The following FETUB variants were observed in gnomAD, a reference collection of about 807,000 sequenced individuals.
The protein encoded by FETUB is fetuin B, also known as fetuin-B.
Under a neutral mutation model 30.9 loss-of-function variants are expected in FETUB, and 28 were observed. That is an observed-to-expected ratio of 0.90 (90% CI 0.67 to 1.24). The LOEUF (loss-of-function observed/expected upper bound fraction) is 1.24. Ranked by LOEUF, FETUB falls within the 50% of genes most tolerant of loss-of-function variation. FETUB has a pLI of 0.00. For synonymous variants in FETUB, 186 were observed against 175.9 expected (o/e 1.06, Z -0.45); for missense variants, 469 against 455.3 (o/e 1.03, Z -0.27).
chr3:186,648,112 T>C (rs1167813146), intron 5 of FETUB, among the ~76,000 whole-genome samples: 2 of 152,114 alleles, frequency 1.3e-5, no homozygotes, highest in Non-Finnish European at 2.9e-5. Flanking sequence ...AAATTGAAAG[T>C]AAAGAAATAA....
Position 186,652,646 on chromosome 3 carries a change from C to G in FETUB, c.*15C>G, listed in dbSNP as rs1197185509. The G allele has an allele frequency of 3.1e-6, 5 of 1,589,282 alleles. No individual in the cohort carries two copies. In the South Asian group the frequency reaches 5.7e-5, roughly 18 times the overall value. On this transcript the variant is annotated 3_prime_UTR_variant, in exon 7 of 7. Transcript: ENST00000265029. Reference sequence around the variant, plus strand: ...TTCCGCCATGAGAATCACACAGAGTCTTCTGTAGGGGTATGGTGCGCCGCA... The same window carrying G: ...TTCCGCCATGAGAATCACACAGAGTGTTCTGTAGGGGTATGGTGCGCCGCA...
intron 3 of FETUB, among the ~76,000 whole-genome samples, chr3:186,643,947 T>C (rs1257213186): frequency 6.6e-6 from 1 of 152,254 alleles, no homozygotes; most frequent in Non-Finnish European, 1.5e-5. Context: ...CATTTTGTTT[T>C]CTGGCTCACT....
chr3:186,643,249 A>G (rs957528399), intron 3 of FETUB, among the ~76,000 whole-genome samples: 10 of 152,164 alleles, frequency 6.6e-5, no homozygotes, highest in African/African-American at 2.2e-4. Context: ...GAAGGTGTCA[A>G]TAATGTTGTT....
chr3:186,647,393 G>A (rs1364216964), intron 5 of FETUB, among the ~76,000 whole-genome samples: 1 of 152,112 alleles, frequency 6.6e-6, no homozygotes, highest in Non-Finnish European at 1.5e-5. Flanking sequence ...AATGCTCCAT[G>A]TTTAACCCTT....
chr3:186,642,243 T>A, intron 2 of FETUB: 2 of 497,246 alleles, frequency 4.0e-6, no homozygotes, highest in Non-Finnish European at 7.1e-6. Flanking sequence ...AGAACTCAAT[T>A]ATACACAGTC....
intron 5 of FETUB, chr3:186,647,270 G>T (rs1239622091): frequency 6.6e-6 from 1 of 151,970 alleles, no homozygotes; most frequent in East Asian, 1.9e-4. Context: ...ATAAACATTT[G>T]AGTTGTTTCC....
In FETUB at chr3:186,652,538, G is replaced by A; in HGVS notation, c.1056G>A (p.Lys352=). 1 of 1,614,166 alleles carries A rather than the reference G, an allele frequency of 6.2e-7. No individual in the cohort carries two copies. Among genetic ancestry groups the A allele is most frequent in the Non-Finnish European group, 8.5e-7 (1 of 1,180,012 alleles). Reference sequence around the variant, plus strand: ...TCTTCCTGGAGCCTATGGAGGAGAAGCTGGTGGTCCTGCCTTTCCCCAAAG... The same window carrying A: ...TCTTCCTGGAGCCTATGGAGGAGAAACTGGTGGTCCTGCCTTTCCCCAAAG... The part of the protein sequence containing the change: ...SFLFLEPMEE[K]LVVLPFPKEK... The change falls in exon 7 of 7, where the codon AAG becomes AAA. Residue 352 remains lysine (K), a synonymous_variant. Transcript: ENST00000265029.
chr3:186,649,396 C>T (rs930813627), intron 5 of FETUB, among the ~76,000 whole-genome samples: 11 of 152,042 alleles, frequency 7.2e-5, no homozygotes, highest in African/African-American at 2.4e-4. Context: ...TATTGCATAG[C>T]GGTGAAGTCT....
chr3:186,641,686 G>T (rs1481235751), intron 2 of FETUB: 2 of 152,452 alleles, frequency 1.3e-5, no homozygotes, highest in Non-Finnish European at 2.9e-5. Flanking sequence ...TCATAGAAGA[G>T]ACTTGAAAAT....
intron 6 of FETUB, chr3:186,651,850 C>T (rs528858882): frequency 5.0e-4 from 85 of 169,520 alleles, no homozygotes; most frequent in African/African-American, 1.3e-3. Flanking sequence ...AATGGGATTG[C>T]GACACTGCAT....
chr3:186,641,865 G>A (rs1485403183), intron 2 of FETUB: 1 of 152,346 alleles, frequency 6.6e-6, no homozygotes. Flanking sequence ...TACCCAACTT[G>A]ATTTTGAAAA....
intron 2 of FETUB, chr3:186,642,247 C>T (rs1560020850): frequency 2.0e-6 from 1 of 503,624 alleles, no homozygotes; most frequent in African/African-American, 2.0e-5. Flanking sequence ...CTCAATTATA[C>T]ACAGTCACAC....
chr3:186,650,733 G>A (rs985706082), intron 5 of FETUB, among the ~76,000 whole-genome samples: 3 of 152,034 alleles, frequency 2.0e-5, no homozygotes, highest in Non-Finnish European at 4.4e-5. Flanking sequence ...ATTTTCTTTT[G>A]TTTATCTATA....
chr3:186,645,870 G>C (rs1273410868), intron 4 of FETUB, among the ~76,000 whole-genome samples: 1 of 151,874 alleles, frequency 6.6e-6, no homozygotes, highest in Non-Finnish European at 1.5e-5. Context: ...GGGATTACAG[G>C]CATGCGCCAC....
chr3:186,636,829 C>T (rs148946935), upstream of FETUB, among the ~76,000 whole-genome samples: 2 of 152,308 alleles, frequency 1.3e-5, no homozygotes, highest in Non-Finnish European at 2.9e-5. Flanking sequence ...CTGTTAAATA[C>T]GCTCCCTGCC....
chr3:186,651,282 G>C lies in FETUB; in HGVS notation c.761G>C (p.Cys254Ser), dbSNP rs771961392. 6.2e-7 allele frequency: 1 copy of C among 1,612,294 alleles called. No individual in the cohort carries two copies. Among genetic ancestry groups the C allele is most frequent in the South Asian group, 1.1e-5 (1 of 90,970 alleles). ...THWEKFVSVT[C>S]DFFESQAPAT... ...TGGGAAAAGTTTGTCTCTGTGACTT[G>C]TGACTTCTTTGAATCACAGGTATTT... The change falls in exon 6 of 7, where the codon TGT (cysteine) becomes TCT (serine). Residue 254 changes from cysteine to serine, a missense_variant. By Grantham distance (112) the Cys-to-Ser change is moderately radical (BLOSUM62 -1). Transcript: ENST00000265029.
rs1478597457 is a variant in FETUB at position 186,640,467 on chromosome 3, CT to C, written c.8del (p.Leu3ArgfsTer10). The C allele has an allele frequency of 6.2e-7, 1 of 1,613,862 alleles. No homozygotes were observed. The highest frequency in any genetic ancestry group is 8.5e-7 in the Non-Finnish European group (1 of 1,179,860). On this transcript the variant is annotated frameshift_variant, in exon 1 of 7. Coordinates refer to ENST00000265029, the MANE Select transcript of FETUB (RefSeq NM_014375.3). LOFTEE classifies it high-confidence loss of function. Reference protein sequence around the residue: MGLLLPLALCILV... With the variant: MGXLLPLALCILV... Reference sequence around the variant, plus strand: ...GGGCCTTGTTCTCCACAGAATGGGTCTGCTCCTTCCCCTGGCACTCTGCATC... The same window carrying C: ...GGGCCTTGTTCTCCACAGAATGGGTCGCTCCTTCCCCTGGCACTCTGCATC...
upstream of FETUB, among the ~76,000 whole-genome samples, chr3:186,637,208 G>A (rs75618700): frequency 0.015 from 2,219 of 152,200 alleles, 65 homozygotes; most frequent in African/African-American, 0.05. Context: ...ATATAGTGCC[G>A]GGCTTTGGCA....
rs576071674 is a variant in FETUB at position 186,648,172 on chromosome 3, G to A, written c.696+1823G>A. Among the ~76,000 whole-genome samples, 3 of 152,316 alleles carry A rather than the reference G, an allele frequency of 2.0e-5. No individual in the cohort carries two copies. The South Asian group carries it at 6.2e-4, about 32-fold the overall frequency. The stretch of plus-strand genomic sequence containing the variant: ...CATTTTGAGTTTTTGTACACGGTGT[G>A]AGGCAGGGAGTTCAACTTCATTCTT... On this transcript the variant is annotated intron_variant, in intron 5 of 6. Transcript: ENST00000265029.
Sources: gnomAD v4.1 joint callset for allele counts (sites outside exome capture counted in the v4.1 genomes callset) on GRCh38, gnomAD v4.1.1 for gene constraint, MANE v1.5 for transcripts, NCBI Gene and HGNC (gene_info 2026-07-23, HGNC 2026-07-21) for gene names.